Variants in CNTN3 observed in about 807,000 individuals in gnomAD.
The protein encoded by CNTN3 is contactin 3.
Under a neutral mutation model 119.1 loss-of-function variants are expected in CNTN3, and 60 were observed. The ratio of observed to expected loss-of-function variants is 0.50; its 90% CI spans 0.41 to 0.62. CNTN3 has a LOEUF of 0.62. Ranked by LOEUF, CNTN3 falls within the 20% of genes least tolerant of loss-of-function variation. The pLI, the probability that CNTN3 is intolerant of heterozygous loss-of-function variation, is 0.00. For synonymous variants in CNTN3, 450 were observed against 438.7 expected, an observed-to-expected ratio of 1.03 and a Z score of -0.32; for missense variants, 1,101 against 1,242.4, an observed-to-expected ratio of 0.89 and a Z score of 1.71.
intron 1 of CNTN3, among the ~76,000 whole-genome samples, chr3:74,563,256 C>T (rs1465147423): frequency 6.6e-6 from 1 of 152,118 alleles, no homozygotes; most frequent in African/African-American, 2.4e-5. Context: ...TCACTTGAAA[C>T]CCAGTAAGCC....
chr3:74,453,494 G>T (rs1702202318), intron 4 of CNTN3, among the ~76,000 whole-genome samples: 1 of 151,970 alleles, frequency 6.6e-6, no homozygotes, highest in South Asian at 2.1e-4. Context: ...TTTTTGAAGG[G>T]TTTTTTGTGT....
At chr3:74,486,139 T>C (rs542652361) in intron 4 of CNTN3, among the ~76,000 whole-genome samples, 1 of 152,164 alleles carries the variant, frequency 6.6e-6, no homozygotes, top group South Asian at 2.1e-4. Context: ...TCAATAAAAA[T>C]ATCCTCAACT....
intron 4 of CNTN3, among the ~76,000 whole-genome samples, chr3:74,461,132 A>T (rs1702359999): frequency 6.6e-6 from 1 of 151,878 alleles, no homozygotes; most frequent in South Asian, 2.1e-4. Context: ...TCCCTCGCTG[A>T]TATGATGTGT....
At chr3:74,405,333 G>GTATA (rs1284420215) in intron 5 of CNTN3, among the ~76,000 whole-genome samples, 1 of 151,776 alleles carries the variant, frequency 6.6e-6, no homozygotes, top group African/African-American at 2.4e-5. Context: ...TTGCAGATAC[G>GTATA]TATATACATA....
chr3:74,358,205 C>T (rs1703985391), intron 11 of CNTN3, among the ~76,000 whole-genome samples: 1 of 152,128 alleles, frequency 6.6e-6, no homozygotes, highest in African/African-American at 2.4e-5. Flanking sequence ...GATTGGAACA[C>T]CATGGACCTC....
chr3:74,439,527 T>C (rs1310303123), intron 4 of CNTN3, among the ~76,000 whole-genome samples: 1 of 152,154 alleles, frequency 6.6e-6, no homozygotes, highest in Non-Finnish European at 1.5e-5. Flanking sequence ...TCATCTTATA[T>C]GATACTAAAA....
intron 5 of CNTN3, among the ~76,000 whole-genome samples, chr3:74,382,932 T>C (rs1362193024): frequency 2.6e-5 from 4 of 152,214 alleles, no homozygotes; most frequent in Non-Finnish European, 5.9e-5. Context: ...TCCATTGTCA[T>C]TATTTTATAT....
intron 1 of CNTN3, among the ~76,000 whole-genome samples, chr3:74,525,355 G>C (rs1416707272): frequency 6.6e-6 from 1 of 151,762 alleles, no homozygotes; most frequent in African/African-American, 2.4e-5. Flanking sequence ...AAATTATGTT[G>C]CTTATTTTTA....
At chr3:74,332,934 T>C (rs1703301842) in intron 13 of CNTN3, among the ~76,000 whole-genome samples, 1 of 152,204 alleles carries the variant, frequency 6.6e-6, no homozygotes, top group African/African-American at 2.4e-5. Flanking sequence ...GAAGAAGAAA[T>C]TGTTAACTTG....
chr3:74,499,096 T>C (rs1703115920), intron 3 of CNTN3, among the ~76,000 whole-genome samples: 1 of 151,496 alleles, frequency 6.6e-6, no homozygotes, highest in African/African-American at 2.4e-5. Flanking sequence ...TTGCATGATA[T>C]TTGAAAGTTT....
intron 1 of CNTN3, among the ~76,000 whole-genome samples, chr3:74,529,484 T>C (rs181280098): frequency 8.0e-4 from 94 of 117,228 alleles, no homozygotes; most frequent in African/African-American, 2.6e-3. Flanking sequence ...TTAAAATGTT[T>C]TTATATAGTT....
At chr3:74,357,178 G>A (rs879552950) in intron 11 of CNTN3, among the ~76,000 whole-genome samples, 27 of 152,098 alleles carry the variant, frequency 1.8e-4, no homozygotes, top group Admixed American at 3.9e-4. Context: ...CGCCTGCCTC[G>A]GCCTTCCAAA....
At chr3:74,358,349 T>C (rs1409589454) in intron 11 of CNTN3, among the ~76,000 whole-genome samples, 1 of 152,032 alleles carries the variant, frequency 6.6e-6, no homozygotes, top group Non-Finnish European at 1.5e-5. Flanking sequence ...TAACTTTTAT[T>C]ACCACGAGAC....
intron 5 of CNTN3, among the ~76,000 whole-genome samples, chr3:74,378,767 T>G (rs950256444): frequency 2.0e-5 from 3 of 152,242 alleles, no homozygotes; most frequent in Non-Finnish European, 4.4e-5. Context: ...TGTTGAACCT[T>G]GTCCTAGGCC....
At chr3:74,562,352 TTG>T (rs1704165225) in intron 1 of CNTN3, among the ~76,000 whole-genome samples, 1 of 152,298 alleles carries the variant, frequency 6.6e-6, no homozygotes, top group African/African-American at 2.4e-5. Context: ...TAAATTTTCA[TTG>T]TGTGTTTTCT....
intron 4 of CNTN3, among the ~76,000 whole-genome samples, chr3:74,428,237 G>A (rs1240814491): frequency 6.6e-6 from 1 of 151,558 alleles, no homozygotes; most frequent in Non-Finnish European, 1.5e-5. Flanking sequence ...TAATTTTATT[G>A]TTATTTTAGA....
intron 1 of CNTN3, among the ~76,000 whole-genome samples, chr3:74,554,969 G>A (rs1298608255): frequency 1.3e-5 from 2 of 152,172 alleles, no homozygotes; most frequent in African/African-American, 2.4e-5. Flanking sequence ...AGTGGTGAGA[G>A]AGGGCATCCT....
Position 74,295,155 on chromosome 3 carries a change from C to T in CNTN3, c.2483G>A (p.Trp828Ter), listed in dbSNP as rs1559686458. ...EIEVSWNTIP[W>*]KLSNGHLLGY... ...CAGTAAATGTCCATTGCTCAACTTC[C>T]AAGGAATGGTGTTCCATGAAACCTC... The change falls in exon 19 of 23, where the codon TGG becomes TAG. Residue 828 changes from tryptophan to a stop codon, truncating the protein, a stop_gained. Transcript: ENST00000263665. LOFTEE classifies it high-confidence loss of function. 6.2e-7 allele frequency: 1 copy of T among 1,613,022 alleles called. No homozygotes were observed. Among genetic ancestry groups the T allele is most frequent in the Non-Finnish European group, 8.5e-7 (1 of 1,179,118 alleles).
At chr3:74,305,476 T>A (rs1207801188) in intron 13 of CNTN3, among the ~76,000 whole-genome samples, 1 of 152,066 alleles carries the variant, frequency 6.6e-6, no homozygotes, top group African/African-American at 2.4e-5. Context: ...ATAATTATTA[T>A]CCATAATAGC....
Sources: allele counts gnomAD v4.1 joint callset (sites outside exome capture counted in the v4.1 genomes callset), GRCh38; gene constraint gnomAD v4.1.1; transcripts MANE v1.5; gene names NCBI Gene and HGNC (gene_info 2026-07-23, HGNC 2026-07-21).